Variants in PPP3R1 observed in about 807,000 individuals in gnomAD.
PPP3R1 encodes the protein protein phosphatase 3 regulatory subunit B, alpha.
A neutral mutation model predicts 22.6 loss-of-function variants in PPP3R1; 5 were observed. That is an observed-to-expected ratio of 0.22 (90% CI 0.12 to 0.46). PPP3R1 has a LOEUF of 0.46. Among genes scored for constraint, PPP3R1 ranks in the 20% least tolerant of loss-of-function variants. The pLI, the probability that PPP3R1 is intolerant of heterozygous loss-of-function variation, is 0.99. For missense variants in PPP3R1, 61 were observed against 203.2 expected (o/e 0.30, Z 4.25); for synonymous variants, 56 against 65.2 (o/e 0.86, Z 0.68).
rs758125990 is a variant in PPP3R1 at position 68,198,269 on chromosome 2, A to C, written c.44-9579T>G. 1.4e-5 allele frequency among the ~76,000 whole-genome samples: 2 copies of C among 141,474 alleles called. 1 individual carries two copies. Among genetic ancestry groups the C allele is most frequent in the Non-Finnish European group, 3.1e-5 (2 of 64,148 alleles). The allele number at this position is 141,474 out of a possible 152,430, so 92.8% of individuals were successfully genotyped here. On this transcript the variant is annotated intron_variant, in intron 2 of 5. Transcript: ENST00000234310. ...TGTACATACATATGTATACATACAT[A>C]TGTGTATGCATGTATGTGTATACAC...
At chr2:68,233,121 T>C (rs1669951428) in intron 1 of PPP3R1, among the ~76,000 whole-genome samples, 1 of 152,192 alleles carries the variant, frequency 6.6e-6, no homozygotes, top group Non-Finnish European at 1.5e-5. Flanking sequence ...ACCACACAAT[T>C]ACTTTGGCTA....
chr2:68,190,711 A>G (rs1674648354), intron 2 of PPP3R1, among the ~76,000 whole-genome samples: 1 of 152,216 alleles, frequency 6.6e-6, no homozygotes, highest in African/African-American at 2.4e-5. Flanking sequence ...GGTGAAAACT[A>G]AGGACACAGA....
At chr2:68,212,377 G>C (rs1572964082) in intron 2 of PPP3R1, among the ~76,000 whole-genome samples, 1 of 152,274 alleles carries the variant, frequency 6.6e-6, no homozygotes, top group East Asian at 1.9e-4. Context: ...CACTGTGCCT[G>C]GCCCTTTCCA....
intron 1 of PPP3R1, among the ~76,000 whole-genome samples, chr2:68,242,779 C>A (rs1455466011): frequency 6.6e-6 from 1 of 152,132 alleles, no homozygotes; most frequent in Non-Finnish European, 1.5e-5. Context: ...TATGGCATTA[C>A]ACTCAGGAGG....
At chr2:68,246,528 G>A (rs1235071651) in intron 1 of PPP3R1, among the ~76,000 whole-genome samples, 2 of 152,016 alleles carry the variant, frequency 1.3e-5, no homozygotes, top group Admixed American at 6.6e-5. Flanking sequence ...AACTACTATT[G>A]ACCAAGTCAT....
intron 1 of PPP3R1, among the ~76,000 whole-genome samples, chr2:68,246,950 T>C (rs1316398572): frequency 1.3e-5 from 2 of 152,144 alleles, no homozygotes; most frequent in African/African-American, 2.4e-5. Context: ...CCAAGATTAC[T>C]ATTCCCTGCC....
intron 1 of PPP3R1, among the ~76,000 whole-genome samples, chr2:68,251,314 T>C (rs527712497): frequency 1.3e-5 from 2 of 151,768 alleles, no homozygotes; most frequent in Non-Finnish European, 2.9e-5. Context: ...AAAGACAAAT[T>C]AAAATCGCCA....
chr2:68,238,856 G>A (rs1390795997), intron 1 of PPP3R1, among the ~76,000 whole-genome samples: 9 of 152,046 alleles, frequency 5.9e-5, no homozygotes, highest in Non-Finnish European at 1.3e-4. Context: ...AAAAAACCTC[G>A]TGTTCTTAAA....
chr2:68,184,520 C>A (rs890503150), intron 5 of PPP3R1, among the ~76,000 whole-genome samples: 2 of 152,138 alleles, frequency 1.3e-5, no homozygotes, highest in Non-Finnish European at 2.9e-5. Context: ...GTTCAATACA[C>A]CAACTTTAAG....
rs539101932 is a variant in PPP3R1 at position 68,221,100 on chromosome 2, G to A, written c.4-3969C>T. ...TAATCCCACCACATTGGGAGGCCGA[G>A]GCAGGCAGATCACTTGAGGTCAGGA... On this transcript the variant is annotated intron_variant, in intron 1 of 5. Transcript: ENST00000234310. Among the ~76,000 whole-genome samples, 20 of 152,238 alleles carry A rather than the reference G, an allele frequency of 1.3e-4. No homozygotes were observed. The East Asian group carries it at 3.7e-3, about 28-fold the overall frequency.
At chr2:68,209,043 CATTTT>C (rs1558634380) in intron 2 of PPP3R1, among the ~76,000 whole-genome samples, 1 of 138,028 alleles carries the variant, frequency 7.2e-6, no homozygotes, top group African/African-American at 2.8e-5. Context: ...TAGGTATCAC[CATTTT>C]TTTTTAAGTT....
intron 5 of PPP3R1, among the ~76,000 whole-genome samples, chr2:68,185,826 G>A (rs971898150): frequency 2.0e-5 from 3 of 152,170 alleles, no homozygotes; most frequent in Non-Finnish European, 4.4e-5. Context: ...ATTCTTTACA[G>A]TGCCACCCCA....
At chr2:68,217,011 TACACAC>T (rs66891931) in intron 2 of PPP3R1, 75 bp downstream of exon 2, 244 of 770,116 alleles carry the variant, frequency 3.2e-4, no homozygotes, top group Non-Finnish European at 3.9e-4. Flanking sequence ...AGAGGTATGA[TACACAC>T]ACACACACAC....
chr2:68,241,919 C>A (rs537444418), intron 1 of PPP3R1, among the ~76,000 whole-genome samples: 35 of 151,708 alleles, frequency 2.3e-4, no homozygotes, highest in African/African-American at 7.7e-4. Context: ...TGTAGACAAG[C>A]AGTATCTAAT....
At chr2:68,193,028 C>T (rs1019325219) in intron 2 of PPP3R1, among the ~76,000 whole-genome samples, 1 of 152,140 alleles carries the variant, frequency 6.6e-6, no homozygotes, top group African/African-American at 2.4e-5. Context: ...ATAGTTGTAT[C>T]ATTATCTCAC....
At chr2:68,185,747 C>T (rs1440338534) in intron 5 of PPP3R1, among the ~76,000 whole-genome samples, 1 of 151,956 alleles carries the variant, frequency 6.6e-6, no homozygotes, top group Admixed American at 6.6e-5. Flanking sequence ...GCGGTAGCGC[C>T]CCCTGGGGGT....
chr2:68,211,487 G>A (rs1669486580), intron 2 of PPP3R1, among the ~76,000 whole-genome samples: 3 of 150,668 alleles, frequency 2.0e-5, no homozygotes, highest in Admixed American at 2.0e-4. Context: ...TTGTTCTGCT[G>A]TTGGTAGGTC....
chr2:68,198,425 G>A (rs1464454088), intron 2 of PPP3R1, among the ~76,000 whole-genome samples: 2,942 of 143,736 alleles, frequency 0.02, 101 homozygotes, highest in African/African-American at 0.07. Context: ...GCATATATAC[G>A]TATATATGCG....
intron 1 of PPP3R1, among the ~76,000 whole-genome samples, chr2:68,244,735 CTT>C (rs1209731286): frequency 6.6e-6 from 1 of 152,058 alleles, no homozygotes; most frequent in African/African-American, 2.4e-5. Flanking sequence ...GTTAATTATC[CTT>C]TGTCTTTCTT....
Sources: allele counts gnomAD v4.1 joint callset (sites outside exome capture counted in the v4.1 genomes callset), GRCh38; gene constraint gnomAD v4.1.1; transcripts MANE v1.5; gene names NCBI Gene and HGNC (gene_info 2026-07-23, HGNC 2026-07-21).